SYN3: variants seen among roughly 807,000 people sequenced by gnomAD.
The protein encoded by SYN3 is synapsin III, also known as synapsin-3.
A neutral mutation model predicts 65.8 loss-of-function variants in SYN3; 35 were observed. The ratio of observed to expected loss-of-function variants is 0.53; its 90% CI spans 0.41 to 0.70. The LOEUF is 0.70. SYN3 is among the 30% of genes least tolerant of loss of function. The pLI, the probability that SYN3 is intolerant of heterozygous loss-of-function variation, is 0.00. For missense variants in SYN3, 680 were observed against 749.0 expected, an observed-to-expected ratio of 0.91 and a Z score of 1.08; for synonymous variants, 270 against 292.9, an observed-to-expected ratio of 0.92 and a Z score of 0.80.
intron 7 of SYN3, among the ~76,000 whole-genome samples, chr22:32,572,396 C>CCCTTCCT (rs2058781096): frequency 2.7e-5 from 1 of 37,384 alleles, no homozygotes; most frequent in African/African-American, 1.1e-4. Context: ...CCTTCCTTCC[C>CCCTTCCT]TCCCTCCCTC....
Position 32,948,311 on chromosome 22 carries a change from G to C in SYN3, c.370-16830C>G, listed in dbSNP as rs188503470. On this transcript the variant is annotated intron_variant, in intron 3 of 13. Coordinates refer to ENST00000358763, the MANE Select transcript of SYN3 (RefSeq NM_003490.4). ...GGGACTAGGGCATAGACACTGTAGC[G>C]GGCTACTAGGAAACACTAAGGGTTG... is the stretch of plus-strand genomic sequence containing the variant. Among the ~76,000 whole-genome samples the C allele has an allele frequency of 3.1e-3, 465 of 152,170 alleles. 3 individuals are homozygous for C. The highest frequency in any genetic ancestry group is 0.011 in the African/African-American group (450 of 41,524).
chr22:32,537,336 T>C (rs1396620650), intron 9 of SYN3, among the ~76,000 whole-genome samples: 1 of 152,102 alleles, frequency 6.6e-6, no homozygotes, highest in Non-Finnish European at 1.5e-5. Flanking sequence ...ATTTTGTATC[T>C]GTAGTAGAGA....
chr22:32,687,331 T>C (rs1324100369), intron 6 of SYN3, among the ~76,000 whole-genome samples: 1 of 150,348 alleles, frequency 6.7e-6, no homozygotes, highest in Non-Finnish European at 1.5e-5. Flanking sequence ...CCCGGCTAAT[T>C]TTCTGTATTT....
chr22:32,780,962 CTT>C lies in SYN3; in HGVS notation c.711+83951_711+83952del, dbSNP rs1156540881. Among the ~76,000 whole-genome samples, 36 of 86,078 alleles carry C rather than the reference CTT, an allele frequency of 4.2e-4. 1 individual carries two copies. In the South Asian group the frequency reaches 8.5e-3, roughly 20 times the overall value. 56.5% of individuals were successfully genotyped at this position (86,078 alleles called of 152,430 possible). ...CCTTCCTTCCTTCCTTCCTTCCTTC[CTT>C]CCTTCCTTCCTTCCCTCCTTCCTTC... On this transcript the variant is annotated intron_variant, in intron 6 of 13. Coordinates refer to ENST00000358763, the MANE Select transcript of SYN3 (RefSeq NM_003490.4).
At chr22:32,764,424 G>A (rs768412245) in intron 6 of SYN3, among the ~76,000 whole-genome samples, 11 of 152,158 alleles carry the variant, frequency 7.2e-5, no homozygotes, top group South Asian at 2.1e-4. Flanking sequence ...CAAAGACTGC[G>A]TTGAGAAAGC....
intron 6 of SYN3, among the ~76,000 whole-genome samples, chr22:32,830,191 C>A (rs535971919): frequency 6.6e-6 from 1 of 152,174 alleles, no homozygotes; most frequent in Non-Finnish European, 1.5e-5. Context: ...TCCTTTTTCC[C>A]GCTGCCCTCT....
At chr22:32,990,293 CATCCATGA>C (rs1431202142) in intron 2 of SYN3, among the ~76,000 whole-genome samples, 81 of 142,430 alleles carry the variant, frequency 5.7e-4, no homozygotes, top group African/African-American at 2.2e-3. Flanking sequence ...TCCATGAATC[CATCCATGA>C]ATCCATCCAT....
chr22:32,708,360 C>T (rs2060907967), intron 6 of SYN3, among the ~76,000 whole-genome samples: 1 of 152,216 alleles, frequency 6.6e-6, no homozygotes, highest in African/African-American at 2.4e-5. Flanking sequence ...TGCCTGCACT[C>T]CAGGCGGCCC....
chr22:32,826,041 G>T (rs1229376226), intron 6 of SYN3, among the ~76,000 whole-genome samples: 1 of 152,212 alleles, frequency 6.6e-6, no homozygotes, highest in Non-Finnish European at 1.5e-5. Context: ...GGGAGTTTAG[G>T]TCATTTACAC....
chr22:32,778,184 G>T (rs1406975502), intron 6 of SYN3, among the ~76,000 whole-genome samples: 1 of 152,188 alleles, frequency 6.6e-6, no homozygotes, highest in Admixed American at 6.5e-5. Flanking sequence ...TTCACTCAAG[G>T]ATCTCAGAAA....
At chr22:32,632,905 G>A (rs2710347) in intron 6 of SYN3, among the ~76,000 whole-genome samples, 27,539 of 152,172 alleles carry the variant, frequency 0.18, 2,790 homozygotes, top group Non-Finnish European at 0.2. Context: ...TTAGTTCATC[G>A]GGTAGTTATG....
intron 6 of SYN3, among the ~76,000 whole-genome samples, chr22:32,857,007 T>C (rs1045228499): frequency 6.6e-6 from 1 of 152,256 alleles, no homozygotes; most frequent in African/African-American, 2.4e-5. Flanking sequence ...TTTTTCTGGA[T>C]GAATCATATT....
chr22:32,719,643 G>A (rs1338280051), intron 6 of SYN3, among the ~76,000 whole-genome samples: 1 of 152,130 alleles, frequency 6.6e-6, no homozygotes, highest in African/African-American at 2.4e-5. Flanking sequence ...AAGAGTTCAA[G>A]GCCAGTCTGA....
intron 6 of SYN3, among the ~76,000 whole-genome samples, chr22:32,795,081 G>A (rs980231006): frequency 7.2e-5 from 11 of 152,180 alleles, no homozygotes; most frequent in Non-Finnish European, 1.5e-4. Flanking sequence ...GTGGACCGTG[G>A]GGCCCTGGGG....
chr22:33,053,065 C>A (rs2054197446), intron 1 of SYN3, among the ~76,000 whole-genome samples: 1 of 152,188 alleles, frequency 6.6e-6, no homozygotes, highest in African/African-American at 2.4e-5. Flanking sequence ...TTTGCTACAT[C>A]ATCTCATTTA....
At chr22:32,877,975 C>T (rs1262674860) in intron 4 of SYN3, among the ~76,000 whole-genome samples, 1 of 152,142 alleles carries the variant, frequency 6.6e-6, no homozygotes, top group Admixed American at 6.5e-5. Flanking sequence ...TATCTTTATC[C>T]TCATGATAAC....
intron 6 of SYN3, among the ~76,000 whole-genome samples, chr22:32,815,626 C>G (rs1406765596): frequency 6.6e-6 from 1 of 152,142 alleles, no homozygotes; most frequent in Non-Finnish European, 1.5e-5. Flanking sequence ...TCTTTATATA[C>G]ATATATACAT....
At chr22:32,628,812 T>C (rs1188422512) in intron 6 of SYN3, among the ~76,000 whole-genome samples, 7 of 152,040 alleles carry the variant, frequency 4.6e-5, no homozygotes, top group African/African-American at 1.7e-4. Flanking sequence ...CTGTTCCCCC[T>C]GTAAGCTGTG....
At chr22:32,723,165 T>C (rs538531999) in intron 6 of SYN3, among the ~76,000 whole-genome samples, 1 of 152,296 alleles carries the variant, frequency 6.6e-6, no homozygotes, top group Non-Finnish European at 1.5e-5. Flanking sequence ...AGAAAGGTCT[T>C]ATTTTGAGAG....
Sources: allele counts gnomAD v4.1 joint callset (sites outside exome capture counted in the v4.1 genomes callset), GRCh38; gene constraint gnomAD v4.1.1; transcripts MANE v1.5; gene names NCBI Gene and HGNC (gene_info 2026-07-23, HGNC 2026-07-21).